Variants in NOX4 observed in about 807,000 individuals in gnomAD.
The protein encoded by NOX4 is NADPH oxidase 4.
A neutral mutation model predicts 87.6 loss-of-function variants in NOX4; 69 were observed. The ratio of observed to expected loss-of-function variants is 0.79; its 90% CI spans 0.65 to 0.96. NOX4 has a LOEUF of 0.96. Among genes scored for constraint, NOX4 ranks in the 40% least tolerant of loss-of-function variants. The probability of loss-of-function intolerance (pLI) is 0.00; values close to 1 mark genes in which losing one functional copy is unlikely to be tolerated. For missense variants in NOX4, 680 were observed against 681.5 expected, an observed-to-expected ratio of 1.00 and a Z score of 0.02; for synonymous variants, 275 against 238.2, an observed-to-expected ratio of 1.15 and a Z score of -1.42.
the NOX4 span, among the ~76,000 whole-genome samples, chr11:89,550,197 T>TA: frequency 2.6e-5 from 4 of 151,742 alleles, no homozygotes; most frequent in Non-Finnish European, 4.4e-5. Flanking sequence ...TAGTCTTTTT[T>TA]TTTTTTGAGA....
chr11:89,409,476 A>G (rs1193740589), intron 8 of NOX4, among the ~76,000 whole-genome samples: 2 of 152,190 alleles, frequency 1.3e-5, no homozygotes, highest in Non-Finnish European at 2.9e-5. Flanking sequence ...TGTATATACT[A>G]TATGTATATA....
chr11:89,458,618 C>A (rs1945312884), intron 2 of NOX4, among the ~76,000 whole-genome samples: 1 of 152,066 alleles, frequency 6.6e-6, no homozygotes, highest in Admixed American at 6.6e-5. Context: ...AAAAAACAAA[C>A]AATCTCATTA....
the NOX4 span, among the ~76,000 whole-genome samples, chr11:89,528,206 C>G: frequency 7.6e-3 from 1,159 of 152,270 alleles, 16 homozygotes; most frequent in African/African-American, 0.026. Flanking sequence ...GGGGTATTTA[C>G]CCAATGCCTG....
chr11:89,424,118 G>T (rs898583650), intron 7 of NOX4, among the ~76,000 whole-genome samples: 2 of 151,596 alleles, frequency 1.3e-5, no homozygotes, highest in African/African-American at 4.8e-5. Flanking sequence ...TATCTTTATA[G>T]TACACAGTCT....
the NOX4 span, among the ~76,000 whole-genome samples, chr11:89,571,065 C>T: frequency 0.015 from 2,343 of 152,140 alleles, 48 homozygotes; most frequent in African/African-American, 0.049. Context: ...TGTAACTGTA[C>T]ATTGTTTATT....
chr11:89,488,911 T>C (rs1484390513), intron 2 of NOX4: 2 of 668,332 alleles, frequency 3.0e-6, no homozygotes, highest in Non-Finnish European at 5.4e-6. Context: ...GGTTTTTCCA[T>C]TATATTGTAA....
At chr11:89,479,332 C>T (rs963211628) in intron 2 of NOX4, among the ~76,000 whole-genome samples, 4 of 152,022 alleles carry the variant, frequency 2.6e-5, no homozygotes, top group African/African-American at 9.7e-5. Context: ...ATCCTCCCAC[C>T]GGACCTTAGC....
At chr11:89,334,061 C>A (rs1945596495) in intron 17 of NOX4, among the ~76,000 whole-genome samples, 1 of 151,704 alleles carries the variant, frequency 6.6e-6, no homozygotes, top group Admixed American at 6.6e-5. Context: ...CAATCTATTT[C>A]CCTGTAAATA....
rs186021628 is a variant in NOX4, at chr11:89,369,796, A to C, written c.1135+3636T>G. 3.3e-4 allele frequency among the ~76,000 whole-genome samples: 50 copies of C among 152,072 alleles called. No individual in the cohort carries two copies. The East Asian group carries it at 9.1e-3, about 28-fold the overall frequency. On this transcript the variant is annotated intron_variant, in intron 12 of 17. Coordinates refer to ENST00000263317, the MANE Select transcript of NOX4 (RefSeq NM_016931.5). The stretch of plus-strand genomic sequence containing the variant: ...TATTTATTGGCTTCTTGCAGCAACC[A>C]AAAGCCATTCACAGTGATATCTAGT...
In NOX4 at chr11:89,342,138, C is replaced by T; in HGVS notation, c.1273G>A (p.Val425Ile). Reference sequence around the variant, plus strand: ...ATGCCTCCAGCCACGCAGAGGCTGACCTCATAGTTCAGTGATTCCTCAAAT... The same window carrying T: ...ATGCCTCCAGCCACGCAGAGGCTGATCTCATAGTTCAGTGATTCCTCAAAT... Reference protein sequence around the residue: ...SPFEESLNYEVSLCVAGGIGV... With the variant: ...SPFEESLNYEISLCVAGGIGV... Residue 425 changes from valine to isoleucine, a missense_variant, in exon 14 of 18, where the codon GTC becomes ATC. By Grantham distance (29) the Val-to-Ile change is conservative. Coordinates refer to ENST00000263317, the MANE Select transcript of NOX4 (RefSeq NM_016931.5). 1.2e-6 allele frequency: 2 copies of T among 1,610,894 alleles called. No homozygotes were observed. Among genetic ancestry groups the T allele is most frequent in the Non-Finnish European group, 1.7e-6 (2 of 1,177,178 alleles).
Position 89,366,982 on chromosome 11 carries a change from A to G in NOX4, c.1135+6450T>C, listed in dbSNP as rs191185757. On this transcript the variant is annotated intron_variant, in intron 12 of 17. Coordinates refer to ENST00000263317, the MANE Select transcript of NOX4 (RefSeq NM_016931.5). ...TGGATGGGCACTTAAATTGTAGTAC[A>G]CATATAATGTGCCTCTCATTTTCCT... Among the ~76,000 whole-genome samples the G allele has an allele frequency of 3.5e-3, 526 of 152,242 alleles. 3 individuals are homozygous for G. Among genetic ancestry groups the G allele is most frequent in the African/African-American group, 0.012 (502 of 41,568 alleles).
chr11:89,515,080 G>T, the NOX4 span, among the ~76,000 whole-genome samples: 1 of 151,964 alleles, frequency 6.6e-6, no homozygotes, highest in African/African-American at 2.4e-5. Context: ...ATATGCATGT[G>T]CAAGCCTTTG....
chr11:89,409,437 T>C (rs1201236273), intron 8 of NOX4, among the ~76,000 whole-genome samples: 3 of 152,190 alleles, frequency 2.0e-5, no homozygotes, highest in African/African-American at 7.2e-5. Flanking sequence ...ACTTACAGCA[T>C]AAATGACTTC....
chr11:89,422,021 A>T (rs757299281), intron 7 of NOX4, 39 bp from the exon 8 acceptor site: 13 of 1,059,192 alleles, frequency 1.2e-5, no homozygotes, highest in Non-Finnish European at 1.5e-5. Context: ...GCTACTTTAC[A>T]TTCCATCTTA....
At chr11:89,386,322 C>T (rs1411516744) in intron 11 of NOX4, among the ~76,000 whole-genome samples, 1 of 152,154 alleles carries the variant, frequency 6.6e-6, no homozygotes, top group Non-Finnish European at 1.5e-5. Flanking sequence ...CATAAATATC[C>T]TGCCCTTGTT....
At chr11:89,560,814 T>C in the NOX4 span, among the ~76,000 whole-genome samples, 1 of 151,288 alleles carries the variant, frequency 6.6e-6, no homozygotes, top group Admixed American at 6.6e-5. Context: ...CTCAGGCCTT[T>C]AGCCTCAGAT....
chr11:89,586,610 A>G, the NOX4 span, among the ~76,000 whole-genome samples: 2 of 152,214 alleles, frequency 1.3e-5, no homozygotes, highest in African/African-American at 4.8e-5. Flanking sequence ...GCTGAAGTTT[A>G]GTGGTATAAT....
rs1179987199 is a variant in NOX4, at chr11:89,324,985, T to C, written c.*1771A>G. On this transcript the variant is annotated 3_prime_UTR_variant, in exon 18 of 18. Coordinates refer to ENST00000263317, the MANE Select transcript of NOX4 (RefSeq NM_016931.5). ...CAAAAAAAGGCCTTAGCATCTATCA[T>C]GTTATGTTTTATGTAACATTTTAAC... is the stretch of plus-strand genomic sequence containing the variant. 6.6e-6 allele frequency: 1 copy of C among 152,156 alleles called. No homozygotes were observed. Among genetic ancestry groups the C allele is most frequent in the Non-Finnish European group, 1.5e-5 (1 of 68,018 alleles). 9.4% of individuals were successfully genotyped at this position (152,156 alleles called of 1,614,324 possible).
rs769898678 is a variant in NOX4 at position 89,402,279 on chromosome 11, C to T, written c.846+47G>A. On this transcript the variant is annotated intron_variant, in intron 9 of 17. Coordinates refer to ENST00000263317, the MANE Select transcript of NOX4 (RefSeq NM_016931.5). The stretch of plus-strand genomic sequence containing the variant: ...ACATTTATATGTGATGTTGATCAGT[C>T]AAATGGAAACAAACTTTGTGGAGAT... 4 of 1,396,868 alleles carry T rather than the reference C, an allele frequency of 2.9e-6. No individual in the cohort carries two copies. In the Admixed American group the frequency reaches 5.1e-5, roughly 18 times the overall value. 86.5% of individuals were successfully genotyped at this position (1,396,868 alleles called of 1,614,324 possible).
Sources: gnomAD v4.1 joint callset for allele counts (sites outside exome capture counted in the v4.1 genomes callset) on GRCh38, gnomAD v4.1.1 for gene constraint, MANE v1.5 for transcripts, NCBI Gene and HGNC (gene_info 2026-07-23, HGNC 2026-07-21) for gene names.